DHX9: variants seen among roughly 807,000 people sequenced by gnomAD.
The protein encoded by DHX9 is DExH-box helicase 9, also known as ATP-dependent RNA helicase A.
In DHX9, 27 loss-of-function variants were observed where a neutral mutation model predicts 148.7. The ratio of observed to expected loss-of-function variants is 0.18; its 90% CI spans 0.13 to 0.25. DHX9 has a LOEUF of 0.25. Among genes scored for constraint, DHX9 ranks in the 10% least tolerant of loss-of-function variants. The pLI, the probability that DHX9 is intolerant of heterozygous loss-of-function variation, is 1.00. For synonymous variants in DHX9, 529 were observed against 516.6 expected, an observed-to-expected ratio of 1.02 and a Z score of -0.33; for missense variants, 796 against 1,559.6, an observed-to-expected ratio of 0.51 and a Z score of 8.25.
At position 182,887,067 on chromosome 1, in the gene DHX9, T is replaced by C. The variant is rs182993361; in HGVS notation, c.3462-16T>C. ...AAGAATGCTTTGCTAAAGTGATGGTTTTGTGCTTTTCCTAGGTATGGAGAT... is the reference window on the plus strand; with the variant it reads ...AAGAATGCTTTGCTAAAGTGATGGTCTTGTGCTTTTCCTAGGTATGGAGAT... On this transcript the variant is annotated splice_polypyrimidine_tract_variant and intron_variant, in intron 27 of 27. Transcript: ENST00000367549. 5.8e-4 allele frequency: 936 copies of C among 1,607,202 alleles called. 1 individual carries two copies. The highest frequency in any genetic ancestry group is 9.6e-4 in the South Asian group (87 of 90,940).
intron 3 of DHX9, among the ~76,000 whole-genome samples, chr1:182,851,025 AAG>A (rs1045866269): frequency 6.6e-6 from 1 of 152,086 alleles, no homozygotes; most frequent in Non-Finnish European, 1.5e-5. Flanking sequence ...AGGTGGTAGA[AAG>A]AGGAGGACAA....
intron 19 of DHX9, 160 bp downstream of exon 19, chr1:182,877,063 G>A (rs1236656507): frequency 4.0e-6 from 2 of 497,696 alleles, no homozygotes. Flanking sequence ...TGATAATTAA[G>A]AGTAATTATT....
chr1:182,843,261 T>C (rs1299654559), intron 2 of DHX9, 33 bp from the exon 3 acceptor site: 14 of 1,514,940 alleles, frequency 9.2e-6, no homozygotes, highest in Non-Finnish European at 1.1e-5. Context: ...ATTACCCAGG[T>C]CAGTCTCTTA....
intron 3 of DHX9, among the ~76,000 whole-genome samples, chr1:182,845,351 CCTT>C (rs945150090): frequency 1.3e-5 from 2 of 151,898 alleles, no homozygotes; most frequent in African/African-American, 4.8e-5. Context: ...TTTTATTTTA[CCTT>C]CTTTAAGAAT....
At chr1:182,872,544 ATTTTC>A (rs1395168602) in intron 15 of DHX9, 51 bp downstream of exon 15, 43 of 1,546,836 alleles carry the variant, frequency 2.8e-5, no homozygotes, top group Non-Finnish European at 3.5e-5. Flanking sequence ...TAGGGTTTGT[ATTTTC>A]TTAATCCTGG....
At chr1:182,854,881 G>C (rs1407704201) in intron 6 of DHX9, among the ~76,000 whole-genome samples, 1 of 152,126 alleles carries the variant, frequency 6.6e-6, no homozygotes, top group Non-Finnish European at 1.5e-5. Context: ...AGACTTTTCT[G>C]GGGAGCGATG....
chr1:182,861,627 T>C (rs1668365531), intron 12 of DHX9, among the ~76,000 whole-genome samples: 2 of 152,220 alleles, frequency 1.3e-5, no homozygotes, highest in South Asian at 4.1e-4. Context: ...GAGTCTCAAG[T>C]TGTCTGCATG....
intron 14 of DHX9, among the ~76,000 whole-genome samples, chr1:182,868,388 A>G (rs568234429): frequency 5.3e-5 from 8 of 152,118 alleles, no homozygotes; most frequent in African/African-American, 1.9e-4. Context: ...ATAACAGTCA[A>G]AAAAAAATTT....
At chr1:182,883,085 T>C in intron 24 of DHX9, 54 bp from the exon 25 acceptor site, 2 of 1,164,174 alleles carry the variant, frequency 1.7e-6, no homozygotes, top group Middle Eastern at 1.9e-4. Context: ...TTGCATGTAA[T>C]GTGAAGATCA....
rs1649169781 is a variant in DHX9 at position 182,883,241 on chromosome 1, A to G, written c.3017A>G (p.His1006Arg). 6.2e-7 allele frequency: 1 copy of G among 1,614,006 alleles called. No homozygotes were observed. Among genetic ancestry groups the G allele is most frequent in the South Asian group, 1.1e-5 (1 of 91,090 alleles). The change falls in exon 25 of 28, where the codon CAT becomes CGT. Residue 1006 changes from histidine (H) to arginine (R), a missense_variant. Coordinates refer to ENST00000367549, the MANE Select transcript of DHX9 (RefSeq NM_001357.5). ...GGTGTGTACCCCAATGTATGCTATC[A>G]TAAGGAAAAGAGGAAGATTCTCACC... is the stretch of plus-strand genomic sequence containing the variant. ...AFGVYPNVCYHKEKRKILTTE... is the reference protein window; with the variant it reads ...AFGVYPNVCYRKEKRKILTTE...
chr1:182,879,514 C>A, intron 21 of DHX9, 104 bp downstream of exon 21: 2 of 1,124,962 alleles, frequency 1.8e-6, no homozygotes, highest in South Asian at 3.2e-5. Context: ...AAGATGTAGT[C>A]AACAGGGCTG....
chr1:182,845,264 C>G (rs1428859081), intron 3 of DHX9, among the ~76,000 whole-genome samples: 1 of 152,088 alleles, frequency 6.6e-6, no homozygotes, highest in East Asian at 1.9e-4. Context: ...TCCCTCTATT[C>G]TTTATCTTTT....
At chr1:182,870,421 A>G (rs556175387) in intron 14 of DHX9, among the ~76,000 whole-genome samples, 5 of 152,236 alleles carry the variant, frequency 3.3e-5, no homozygotes, top group Non-Finnish European at 5.9e-5. Flanking sequence ...CTTTGAAGCT[A>G]AAATAATCGA....
At chr1:182,854,478 C>G (rs529424923) in intron 6 of DHX9, among the ~76,000 whole-genome samples, 16 of 152,234 alleles carry the variant, frequency 1.1e-4, no homozygotes, top group Admixed American at 5.2e-4. Flanking sequence ...GCTGGTTTGT[C>G]CCTAGTTGAT....
At chr1:182,866,002 G>A (rs573060765) in intron 12 of DHX9, among the ~76,000 whole-genome samples, 2 of 152,302 alleles carry the variant, frequency 1.3e-5, no homozygotes, top group African/African-American at 4.8e-5. Flanking sequence ...ATGCAAAAGT[G>A]CATTGAATGT....
At chr1:182,877,980 A>G (rs948821884) in intron 19 of DHX9, 41 bp from the exon 20 acceptor site, 4 of 1,610,156 alleles carry the variant, frequency 2.5e-6, no homozygotes, top group Non-Finnish European at 3.4e-6. Context: ...GTTATTGATA[A>G]TACACATGAG....
chr1:182,887,374 T>A lies in DHX9; in HGVS notation c.3753T>A (p.Gly1251=). The A allele has an allele frequency of 6.2e-7, 1 of 1,613,176 alleles. No individual in the cohort carries two copies. The highest frequency in any genetic ancestry group is 1.3e-5 in the African/African-American group (1 of 74,696). Residue 1251 remains glycine, a synonymous_variant, in exon 28 of 28, where the codon GGT becomes GGA. Coordinates refer to ENST00000367549, the MANE Select transcript of DHX9 (RefSeq NM_001357.5). ...GATCTGGGGGATTCCAGCGAGGAGG[T>A]GGTAGGGGGGCCTATGGAACTGGCT... ...YRGSGGFQRG[G]GRGAYGTGYF...
intron 7 of DHX9, 76 bp from the exon 8 acceptor site, chr1:182,858,028 C>T (rs748759603): frequency 2.7e-6 from 4 of 1,485,338 alleles, no homozygotes; most frequent in South Asian, 1.3e-5. Flanking sequence ...TACGTAAGCC[C>T]ATAGTTTCTT....
chr1:182,874,962 A>C lies in DHX9; in HGVS notation c.1815+8A>C. On this transcript the variant is annotated splice_region_variant and intron_variant, in intron 16 of 27. Coordinates refer to ENST00000367549, the MANE Select transcript of DHX9 (RefSeq NM_001357.5). ...GGTGGTGAGGATGATGATGTAAGTG[A>C]ATTTCATGAAGAATTTCCATTATGG... 1 of 1,603,640 alleles carries C rather than the reference A, an allele frequency of 6.2e-7. No homozygotes were observed.
Sources: gnomAD v4.1 joint callset for allele counts (sites outside exome capture counted in the v4.1 genomes callset) on GRCh38, gnomAD v4.1.1 for gene constraint, MANE v1.5 for transcripts, NCBI Gene and HGNC (gene_info 2026-07-23, HGNC 2026-07-21) for gene names.